DSP: variants seen among roughly 807,000 people sequenced by gnomAD.
DSP encodes 250/210 kDa paraneoplastic pemphigus antigen.
In DSP, 114 loss-of-function variants were observed where a neutral mutation model predicts 290.6. The observed-to-expected ratio is 0.39, with a 90% CI of 0.34 to 0.46. The LOEUF is 0.46. DSP is among the 20% of genes least tolerant of loss of function. The pLI is 0.99. For missense variants in DSP, 3,230 were observed against 3,495.8 expected (o/e 0.92, Z 1.92); for synonymous variants, 1,311 against 1,316.4 (o/e 1.00, Z 0.09).
Position 7,579,141 on chromosome 6 carries a change from C to T in DSP, c.3085-134C>T, listed in dbSNP as rs576808613. On this transcript the variant is annotated intron_variant, in intron 22 of 23. Transcript: ENST00000379802. This position sits in a 1 kb window ranked among gnomAD's most constrained non-coding sequence, Gnocchi z 4.1. Reference sequence around the variant, plus strand: ...CAGATTTCTTGAATATTTGCCTAGTCACTCTTTGCATGTATGTCCATGTGT... The same window carrying T: ...CAGATTTCTTGAATATTTGCCTAGTTACTCTTTGCATGTATGTCCATGTGT... 29 of 1,247,870 alleles carry T rather than the reference C, an allele frequency of 2.3e-5. No individual in the cohort carries two copies. The Admixed American group carries it at 6.3e-4, about 27-fold the overall frequency. The allele number at this position is 1,247,870 out of a possible 1,614,324, so 77.3% of individuals were successfully genotyped here. A position where few individuals can be genotyped will look rare whatever the true frequency, so the allele number is the denominator to read the frequency against.
chr6:7,559,479 G>A lies in DSP; in HGVS notation c.597+79G>A, dbSNP rs532838827. 63 of 1,582,678 alleles carry A rather than the reference G, an allele frequency of 4.0e-5. 1 individual carries two copies. In the Admixed American group the frequency reaches 4.5e-4, roughly 11 times the overall value. On this transcript the variant is annotated intron_variant, in intron 4 of 23. Transcript: ENST00000379802. ...ATGGGGTCAGCCCATGTGTTTGTGT[G>A]ACAAAGAGTCTTCTAGACCTCAGGT...
Position 7,579,258 on chromosome 6 carries a change from C to T in DSP, c.3085-17C>T. 1 of 1,613,764 alleles carries T rather than the reference C, an allele frequency of 6.2e-7. No individual in the cohort carries two copies. On this transcript the variant is annotated splice_polypyrimidine_tract_variant and intron_variant, in intron 22 of 23. Transcript: ENST00000379802. This position sits in a 1 kb window ranked among gnomAD's most constrained non-coding sequence, Gnocchi z 4.1. Reference sequence around the variant, plus strand: ...AGGTGTTTTTCTTTTGACATAATCTCTGATTTCATTCCACAGCTGAAAAAT... The same window carrying T: ...AGGTGTTTTTCTTTTGACATAATCTTTGATTTCATTCCACAGCTGAAAAAT...
At chr6:7,549,252 C>T (rs191208752) in intron 1 of DSP, among the ~76,000 whole-genome samples, 113 of 152,108 alleles carry the variant, frequency 7.4e-4, no homozygotes, top group African/African-American at 2.6e-3. Flanking sequence ...CAGGTTCAAG[C>T]GATTCTCCTG....
intron 1 of DSP, among the ~76,000 whole-genome samples, chr6:7,553,092 A>G (rs962321057): frequency 6.6e-6 from 1 of 152,198 alleles, no homozygotes; most frequent in Non-Finnish European, 1.5e-5. Flanking sequence ...ACAAAATAGT[A>G]CAAAGTTTGT....
intron 1 of DSP, among the ~76,000 whole-genome samples, chr6:7,543,830 T>C (rs1415661652): frequency 6.6e-6 from 1 of 152,220 alleles, no homozygotes; most frequent in Non-Finnish European, 1.5e-5. Context: ...TTCTTATACC[T>C]TTTGTAGGGG....
At position 7,568,552 on chromosome 6, in the gene DSP, T is replaced by C. The variant is rs1554106853; in HGVS notation, c.1382T>C (p.Ile461Thr). The change falls in exon 11 of 24, where the codon ATT becomes ACT. Residue 461 changes from isoleucine to threonine, a missense_variant. Physicochemically the swap from Ile to Thr is moderately conservative, Grantham distance 89 (BLOSUM62 -1). Around this residue, in one of 5 missense-constraint regions of DSP, gnomAD observed 646 missense variants for 684.3 expected, o/e 0.94. Coordinates refer to ENST00000379802, the MANE Select transcript of DSP (RefSeq NM_004415.4). ...RNPDYRSNKP[I>T]ILRALCDYKQ... ...CCAGACTACAGAAGCAATAAACCCA[T>C]TATTCTCAGAGCTCTCTGTGACTAC... The C allele has an allele frequency of 6.2e-7, 1 of 1,614,044 alleles. No homozygotes were observed. Among genetic ancestry groups the C allele is most frequent in the Non-Finnish European group, 8.5e-7 (1 of 1,180,020 alleles).
At chr6:7,570,616 C>G (rs575293141) in intron 13 of DSP, 53 bp downstream of exon 13, 24 of 1,609,516 alleles carry the variant, frequency 1.5e-5, no homozygotes, top group Non-Finnish European at 2.0e-5. Context: ...CGCTGCCCCC[C>G]GCAGTGCCTG....
chr6:7,582,615 T>C lies in DSP; in HGVS notation c.5380-27T>C. 6.4e-7 allele frequency: 1 copy of C among 1,574,154 alleles called. No homozygotes were observed. Among genetic ancestry groups the C allele is most frequent in the South Asian group, 1.1e-5 (1 of 90,142 alleles). On this transcript the variant is annotated intron_variant, in intron 23 of 23. Transcript: ENST00000379802. This position sits in a 1 kb window ranked among gnomAD's most constrained non-coding sequence, Gnocchi z 4.2. ...TGATATGATTCAAAACATTATTTTT[T>C]CCCATTTCTTTCTTCTTCAATTCCA...
At position 7,584,105 on chromosome 6, in the gene DSP, C is replaced by T. The variant is rs1759548802; in HGVS notation, c.6843C>T (p.Gly2281=). Residue 2281 remains glycine, a synonymous_variant, in exon 24 of 24, where the codon GGC becomes GGT. Coordinates refer to ENST00000379802, the MANE Select transcript of DSP (RefSeq NM_004415.4). The surrounding 1 kb of genome is among the most constrained non-coding windows in gnomAD (Gnocchi z 6.4). ...GCATTTATGAGGCCATGAAAATTGG[C>T]TTAGTCCGACCTGGTACTGCTCTGG... ...KLGIYEAMKI[G]LVRPGTALEL... is the part of the protein sequence containing the mutation. 6.2e-7 allele frequency: 1 copy of T among 1,613,996 alleles called. No individual in the cohort carries two copies. Among genetic ancestry groups the T allele is most frequent in the African/African-American group, 1.3e-5 (1 of 74,888 alleles).
chr6:7,545,427 G>A (rs1758145484), intron 1 of DSP, among the ~76,000 whole-genome samples: 1 of 152,210 alleles, frequency 6.6e-6, no homozygotes, highest in Non-Finnish European at 1.5e-5. Context: ...GGGTTGGCCT[G>A]AGGACCCAAG....
rs763026647 is a variant in DSP, at chr6:7,583,082, T to C, written c.5820T>C (p.Asp1940=). 3.1e-6 allele frequency: 5 copies of C among 1,614,062 alleles called. No homozygotes were observed. The highest frequency in any genetic ancestry group is 4.2e-6 in the Non-Finnish European group (5 of 1,180,024). The change falls in exon 24 of 24, where the codon GAT becomes GAC. Residue 1940 remains aspartate, a synonymous_variant. Coordinates refer to ENST00000379802, the MANE Select transcript of DSP (RefSeq NM_004415.4). This position sits in a 1 kb window ranked among gnomAD's most constrained non-coding sequence, Gnocchi z 4.0. ...GCTCCCGATATCAGAGGGAGATTGA[T>C]AAACTCAGACAGCGCCCATATGGGT... ...TERSRYQREI[D]KLRQRPYGSH...
At chr6:7,563,698 A>G (rs561918314) in intron 5 of DSP, 38 bp from the exon 6 acceptor site, 7 of 1,561,874 alleles carry the variant, frequency 4.5e-6, no homozygotes, top group African/African-American at 2.7e-5. Flanking sequence ...ACAATCCACA[A>G]GGGGATTTAT....
rs904122668 is a variant in DSP at position 7,582,537 on chromosome 6, C to CT, written c.5380-95dup. On this transcript the variant is annotated intron_variant, in intron 23 of 23. Coordinates refer to ENST00000379802, the MANE Select transcript of DSP (RefSeq NM_004415.4). This position sits in a 1 kb window ranked among gnomAD's most constrained non-coding sequence, Gnocchi z 4.2. ...ATATAGAAAGAAAAAATAAGCAAGG[C>CT]TTTTTTTTTTAAAGATAGATACACA... The CT allele has an allele frequency of 5.1e-3, 4,567 of 892,358 alleles. 3 individuals carry two copies. Among genetic ancestry groups the CT allele is most frequent in the East Asian group, 0.016 (511 of 32,366 alleles). 55.3% of individuals were successfully genotyped at this position (892,358 alleles called of 1,614,324 possible).
rs780066023 is a variant in DSP, at chr6:7,541,892, C to A, written c.-24C>A. On this transcript the variant is annotated 5_prime_UTR_variant, in exon 1 of 24. Transcript: ENST00000379802. ...GCCTCGCTTATGCCTCGGCGCTGAG[C>A]CGCTCTCCCGATTGCCCGCCGACAT... is the stretch of plus-strand genomic sequence containing the variant. 1 of 1,600,726 alleles carries A rather than the reference C, an allele frequency of 6.2e-7. No homozygotes were observed. Among genetic ancestry groups the A allele is most frequent in the East Asian group, 2.3e-5 (1 of 44,240 alleles).
At chr6:7,550,548 C>T (rs1207108966) in intron 1 of DSP, among the ~76,000 whole-genome samples, 1 of 151,696 alleles carries the variant, frequency 6.6e-6, no homozygotes, top group African/African-American at 2.4e-5. Flanking sequence ...AACTTGTTTT[C>T]TTTTTAACCA....
chr6:7,555,838 C>G lies in DSP; in HGVS notation c.273+18C>G. Reference sequence around the variant, plus strand: ...TGCAGCCTGTAAGCTTTCCCTGTTCCCATCGCTTCTCCCAAAGCCTTGGCC... The same window carrying G: ...TGCAGCCTGTAAGCTTTCCCTGTTCGCATCGCTTCTCCCAAAGCCTTGGCC... On this transcript the variant is annotated intron_variant, in intron 2 of 23. Coordinates refer to ENST00000379802, the MANE Select transcript of DSP (RefSeq NM_004415.4). 1 of 1,610,488 alleles carries G rather than the reference C, an allele frequency of 6.2e-7. No homozygotes were observed. The highest frequency in any genetic ancestry group is 8.5e-7 in the Non-Finnish European group (1 of 1,178,184).
intron 1 of DSP, among the ~76,000 whole-genome samples, chr6:7,551,105 G>A (rs1273378237): frequency 6.6e-6 from 1 of 151,942 alleles, no homozygotes; most frequent in African/African-American, 2.4e-5. Context: ...TATTTACCAT[G>A]AACTTAACAT....
intron 8 of DSP, 127 bp from the exon 9 acceptor site, chr6:7,567,227 A>G: frequency 1.2e-6 from 1 of 800,836 alleles, no homozygotes; most frequent in Non-Finnish European, 2.2e-6. Flanking sequence ...TTTTAGAAAA[A>G]TATCTGCTTG....
At chr6:7,557,434 C>CT (rs1758533703) in intron 2 of DSP, among the ~76,000 whole-genome samples, 1 of 152,126 alleles carries the variant, frequency 6.6e-6, no homozygotes, top group African/African-American at 2.4e-5. Flanking sequence ...AATCCCAGCA[C>CT]TTTGGGAGGC....
Sources: allele counts gnomAD v4.1 joint callset (sites outside exome capture counted in the v4.1 genomes callset), GRCh38; gene constraint gnomAD v4.1.1; regional missense constraint gnomAD v4.1.1; non-coding constraint Gnocchi (gnomAD v3.1); transcripts MANE v1.5; gene names NCBI Gene and HGNC (gene_info 2026-07-23, HGNC 2026-07-21).